RIN2: variants seen among roughly 807,000 people sequenced by gnomAD.
RIN2 encodes RAB5 interacting protein 2.
In RIN2, 36 loss-of-function variants were observed where a neutral mutation model predicts 78.0. The observed-to-expected ratio is 0.46, with a 90% CI of 0.35 to 0.61. RIN2 has a LOEUF of 0.61. Among genes scored for constraint, RIN2 ranks in the 20% least tolerant of loss-of-function variants. RIN2 has a pLI of 0.00. For synonymous variants in RIN2, 466 were observed against 466.8 expected (o/e 1.00, Z 0.02); for missense variants, 1,087 against 1,159.7 (o/e 0.94, Z 0.91).
intron 3 of RIN2, among the ~76,000 whole-genome samples, chr20:19,907,494 A>G (rs2039269403): frequency 6.6e-6 from 1 of 152,088 alleles, no homozygotes; most frequent in African/African-American, 2.4e-5. Flanking sequence ...TTCACTTATC[A>G]CCAGAGCGAG....
chr20:19,826,559 T>C (rs1175011669), intron 2 of RIN2, among the ~76,000 whole-genome samples: 1 of 152,226 alleles, frequency 6.6e-6, no homozygotes, highest in East Asian at 1.9e-4. Flanking sequence ...TTCACAATCC[T>C]GTCTGATAGT....
chr20:19,793,041 C>A (rs2034939075), intron 1 of RIN2, among the ~76,000 whole-genome samples: 1 of 146,816 alleles, frequency 6.8e-6, no homozygotes, highest in Non-Finnish European at 1.5e-5. Flanking sequence ...AGCAGCCCAG[C>A]CAAGGGGTAT....
In RIN2 at chr20:19,898,152, CA is replaced by C. The variant is rs527646656; in HGVS notation, c.57+8499del. Among the ~76,000 whole-genome samples, 52 of 152,306 alleles carry C rather than the reference CA, an allele frequency of 3.4e-4. No individual in the cohort carries two copies. In the South Asian group the frequency reaches 0.01, roughly 30 times the overall value. On this transcript the variant is annotated intron_variant, in intron 3 of 12. Transcript: ENST00000255006. The stretch of plus-strand genomic sequence containing the variant: ...GAACAGAAATTCCTTTTCATATTTT[CA>C]AAAAGCAATGGATCTCATGGTTTTA...
intron 8 of RIN2, 122 bp from the exon 9 acceptor site, chr20:19,974,531 AC>A: frequency 1.1e-6 from 1 of 951,760 alleles, no homozygotes; most frequent in Non-Finnish European, 1.6e-6. Flanking sequence ...CCTGAGTACA[AC>A]GCACCCCCTA....
At position 19,875,285 on chromosome 20, in the gene RIN2, A is replaced by G. The variant is rs554551669; in HGVS notation, c.-36-14281A>G. On this transcript the variant is annotated intron_variant, in intron 2 of 12. Coordinates refer to ENST00000255006, the MANE Select transcript of RIN2 (RefSeq NM_018993.4). ...GCAATTTTCCTGCCTCAGCCTCCCAAGTAGCTGGGATTACAGGCGCACGCT... is the reference window on the plus strand; with the variant it reads ...GCAATTTTCCTGCCTCAGCCTCCCAGGTAGCTGGGATTACAGGCGCACGCT... Among the ~76,000 whole-genome samples the G allele has an allele frequency of 2.0e-5, 3 of 152,198 alleles. No individual in the cohort carries two copies. The South Asian group carries it at 6.2e-4, about 32-fold the overall frequency.
chr20:19,941,581 G>A (rs1490257496), intron 4 of RIN2, among the ~76,000 whole-genome samples: 1 of 152,120 alleles, frequency 6.6e-6, no homozygotes, highest in Admixed American at 6.5e-5. Context: ...TCACAAACCT[G>A]TTACTGCTAC....
At chr20:19,818,589 G>A (rs1056785559) in intron 2 of RIN2, among the ~76,000 whole-genome samples, 6 of 151,936 alleles carry the variant, frequency 3.9e-5, no homozygotes, top group Admixed American at 1.3e-4. Flanking sequence ...AAAATTAGTC[G>A]GGCATGGTGG....
At chr20:19,951,429 C>T (rs2041312665) in intron 4 of RIN2, among the ~76,000 whole-genome samples, 1 of 152,186 alleles carries the variant, frequency 6.6e-6, no homozygotes, top group Non-Finnish European at 1.5e-5. Flanking sequence ...ACCTAGGTGA[C>T]ATGGTACCTT....
chr20:19,776,328 A>G (rs1052535399), intron 1 of RIN2, among the ~76,000 whole-genome samples: 2 of 152,214 alleles, frequency 1.3e-5, no homozygotes, highest in Non-Finnish European at 2.9e-5. Context: ...TTCTCTCTGA[A>G]GCTTGCTACC....
At chr20:19,759,407 G>A (rs1362540385) in intron 1 of RIN2, among the ~76,000 whole-genome samples, 1 of 152,114 alleles carries the variant, frequency 6.6e-6, no homozygotes, top group Non-Finnish European at 1.5e-5. Flanking sequence ...ACACTTGCTG[G>A]GAGTGCAAAG....
rs560239376 is a variant in RIN2, at chr20:19,956,701, A to G, written c.245A>G (p.Asn82Ser). ...ARDSGYDSLS[N>S]RLSILDRLLH... The stretch of plus-strand genomic sequence containing the variant: ...GACTCAGGCTATGACAGCCTCTCCA[A>G]CAGGCTCAGCATCTTGGACCGGCTC... The change falls in exon 5 of 13, where the codon AAC becomes AGC. Residue 82 changes from asparagine (N) to serine (S), a missense_variant. By Grantham distance (46) the Asn-to-Ser change is conservative (BLOSUM62 1). This residue lies in a region of RIN2 where 706 missense variants were observed against 667.5 expected (regional missense o/e 1.06). Coordinates refer to ENST00000255006, the MANE Select transcript of RIN2 (RefSeq NM_018993.4). 2 of 1,612,604 alleles carry G rather than the reference A, an allele frequency of 1.2e-6. No individual in the cohort carries two copies. The highest frequency in any genetic ancestry group is 1.7e-6 in the Non-Finnish European group (2 of 1,179,384).
rs747123436 is a variant in RIN2, at chr20:19,889,576, C to T, written c.-26C>T. ...TGTCTCTACCTTCAGGAGTCCCCGGCGTGCAGTGGAGCCTCGCTGGGGGAA... is the reference window on the plus strand; with the variant it reads ...TGTCTCTACCTTCAGGAGTCCCCGGTGTGCAGTGGAGCCTCGCTGGGGGAA... On this transcript the variant is annotated 5_prime_UTR_variant, in exon 3 of 13. Coordinates refer to ENST00000255006, the MANE Select transcript of RIN2 (RefSeq NM_018993.4). The T allele has an allele frequency of 1.9e-5, 30 of 1,548,798 alleles. No homozygotes were observed. In the South Asian group the frequency reaches 2.4e-4, roughly 12 times the overall value.
At chr20:19,896,975 C>CT (rs1199535824) in intron 3 of RIN2, among the ~76,000 whole-genome samples, 1 of 152,038 alleles carries the variant, frequency 6.6e-6, no homozygotes, top group Admixed American at 6.6e-5. Context: ...TTTTGTACCA[C>CT]TTTTTTTATT....
At position 19,942,506 on chromosome 20, in the gene RIN2, A is replaced by G. The variant is rs182843865; in HGVS notation, c.158+7307A>G. ...AAAACGTGTACATGGTGGAAAAAGCACAATGCAGAAAATAAAAATAAACAA... is the reference window on the plus strand; with the variant it reads ...AAAACGTGTACATGGTGGAAAAAGCGCAATGCAGAAAATAAAAATAAACAA... On this transcript the variant is annotated intron_variant, in intron 4 of 12. Coordinates refer to ENST00000255006, the MANE Select transcript of RIN2 (RefSeq NM_018993.4). 4.9e-3 allele frequency among the ~76,000 whole-genome samples: 746 copies of G among 152,316 alleles called. 6 individuals carry two copies. The highest frequency in any genetic ancestry group is 0.014 in the Middle Eastern group (4 of 294).
At chr20:19,924,134 C>A (rs1328083092) in intron 3 of RIN2, among the ~76,000 whole-genome samples, 1 of 114,542 alleles carries the variant, frequency 8.7e-6, no homozygotes, top group South Asian at 3.7e-4. Flanking sequence ...CTTTTCATAC[C>A]CCCACCTTCA....
chr20:19,867,606 G>A (rs1051800403), intron 2 of RIN2, among the ~76,000 whole-genome samples: 3 of 152,176 alleles, frequency 2.0e-5, no homozygotes, highest in Non-Finnish European at 2.9e-5. Context: ...AGGTTTGTCT[G>A]ATGCTCCTCA....
At chr20:19,883,213 AAGGGATGCCTGCAGGGGTGGCGAAG>A (rs1201485744) in intron 2 of RIN2, among the ~76,000 whole-genome samples, 17 of 152,182 alleles carry the variant, frequency 1.1e-4, no homozygotes, top group Admixed American at 4.6e-4. Context: ...AGAGAGGAAT[AAGGGATGCCTGCAGGGGTGGCGAAG>A]AGGGATGCCT....
intron 3 of RIN2, among the ~76,000 whole-genome samples, chr20:19,921,630 A>G (rs1025899695): frequency 3.9e-5 from 6 of 152,090 alleles, no homozygotes; most frequent in African/African-American, 1.4e-4. Flanking sequence ...TCCAGGAAGA[A>G]CCCACCGAGC....
At chr20:19,830,792 C>T (rs1215117725) in intron 2 of RIN2, among the ~76,000 whole-genome samples, 1 of 152,188 alleles carries the variant, frequency 6.6e-6, no homozygotes, top group African/African-American at 2.4e-5. Context: ...GCAGGGGTAC[C>T]TTGGCTGAAG....
Sources: allele counts gnomAD v4.1 joint callset (sites outside exome capture counted in the v4.1 genomes callset), GRCh38; gene constraint gnomAD v4.1.1; regional missense constraint gnomAD v4.1.1; transcripts MANE v1.5; gene names NCBI Gene and HGNC (gene_info 2026-07-23, HGNC 2026-07-21).